The following KPNA4 variants were observed in gnomAD, a reference collection of about 807,000 sequenced individuals.
KPNA4 encodes importin subunit alpha-3.
A neutral mutation model predicts 71.3 loss-of-function variants in KPNA4; 13 were observed. The ratio of observed to expected loss-of-function variants is 0.18; its 90% CI spans 0.12 to 0.29. The LOEUF (loss-of-function observed/expected upper bound fraction) is 0.29, where lower values mean the gene tolerates loss of function less well. KPNA4 is among the 10% of genes least tolerant of loss of function. The pLI is 1.00. For synonymous variants in KPNA4, 189 were observed against 195.2 expected (o/e 0.97, Z 0.26); for missense variants, 334 against 603.2 (o/e 0.55, Z 4.67).
intron 7 of KPNA4, among the ~76,000 whole-genome samples, chr3:160,529,669 G>T (rs1201677867): frequency 1.3e-5 from 2 of 151,704 alleles, no homozygotes; most frequent in Admixed American, 1.3e-4. Context: ...TTGTTTGGTA[G>T]AACAATCAAA....
chr3:160,547,919 T>C (rs1329079333), intron 1 of KPNA4, among the ~76,000 whole-genome samples: 2 of 152,140 alleles, frequency 1.3e-5, no homozygotes, highest in Non-Finnish European at 2.9e-5. Flanking sequence ...CTGACTAATA[T>C]GCCATTGTCT....
chr3:160,530,603 T>G (rs573629724), intron 7 of KPNA4, among the ~76,000 whole-genome samples: 3 of 152,188 alleles, frequency 2.0e-5, no homozygotes, highest in African/African-American at 7.2e-5. Context: ...ACAATAATAA[T>G]GTAATCTGCT....
intron 1 of KPNA4, among the ~76,000 whole-genome samples, chr3:160,556,019 CG>C (rs1722129032): frequency 2.0e-5 from 3 of 152,006 alleles, no homozygotes; most frequent in Admixed American, 1.3e-4. Context: ...TTAGTAGAGA[CG>C]GGGTTTCTCC....
intron 1 of KPNA4, among the ~76,000 whole-genome samples, chr3:160,556,314 G>A (rs1239571670): frequency 6.6e-6 from 1 of 152,018 alleles, no homozygotes; most frequent in Non-Finnish European, 1.5e-5. Context: ...CAAAGCAGCC[G>A]TACCATTTTA....
At chr3:160,510,169 A>T (rs1480245140) in intron 13 of KPNA4, among the ~76,000 whole-genome samples, 1 of 152,208 alleles carries the variant, frequency 6.6e-6, no homozygotes, top group Non-Finnish European at 1.5e-5. Context: ...GAAAAAATTT[A>T]AAAATCTACA....
At chr3:160,558,035 T>C (rs947793060) in intron 1 of KPNA4, among the ~76,000 whole-genome samples, 1 of 152,186 alleles carries the variant, frequency 6.6e-6, no homozygotes, top group African/African-American at 2.4e-5. Context: ...CAAATATCTA[T>C]GACCTTAAAT....
chr3:160,535,858 G>T lies in KPNA4; in HGVS notation c.154C>A (p.Pro52Thr). 2.0e-6 allele frequency: 2 copies of T among 1,019,252 alleles called. No individual in the cohort carries two copies. Among genetic ancestry groups the T allele is most frequent in the Non-Finnish European group, 2.5e-6 (2 of 811,726 alleles). 63.1% of individuals were successfully genotyped at this position (1,019,252 alleles called of 1,614,324 possible). A position where few individuals can be genotyped will look rare whatever the true frequency, so the allele number is the denominator to read the frequency against. Residue 52 changes from proline to threonine, a missense_variant, in exon 3 of 17, where the codon CCA becomes ACA. Transcript: ENST00000334256. ...DEHLLKRRNV[P>T]HEDICEDSDI... ...GAGTCTTCACAGATATCTTCATGTG[G>T]TACATTCCTTCTCTTTAAGAGATGT...
At chr3:160,529,265 T>C (rs1246464936) in intron 7 of KPNA4, among the ~76,000 whole-genome samples, 4 of 152,276 alleles carry the variant, frequency 2.6e-5, no homozygotes, top group East Asian at 3.9e-4. Flanking sequence ...ATTTTTGGTA[T>C]ATTAAAGCAG....
chr3:160,536,748 A>C, intron 2 of KPNA4, 48 bp downstream of exon 2: 1 of 1,102,294 alleles, frequency 9.1e-7, no homozygotes, highest in Non-Finnish European at 1.3e-6. Flanking sequence ...TAATGCTATA[A>C]TGTTGTTAGA....
At position 160,563,759 on chromosome 3, in the gene KPNA4, T is replaced by C. The variant is rs146425335; in HGVS notation, c.69+1455A>G. Among the ~76,000 whole-genome samples the C allele has an allele frequency of 2.2e-3, 330 of 152,304 alleles. 3 individuals are homozygous for C. The East Asian group carries it at 0.028, about 13-fold the overall frequency. ...TAAATTTACTGAAAAATCATTGTTA[T>C]TTAAGAAGCTCATTTTTATGGCATG... On this transcript the variant is annotated intron_variant, in intron 1 of 16. Transcript: ENST00000334256.
At chr3:160,505,871 G>A (rs1720973378) in intron 15 of KPNA4, among the ~76,000 whole-genome samples, 1 of 152,252 alleles carries the variant, frequency 6.6e-6, no homozygotes, top group Admixed American at 6.5e-5. Context: ...AAACTAAAAT[G>A]CTTGTGTAAT....
rs1213088916 is a variant in KPNA4, at chr3:160,499,130, A to G, written c.*2974T>C. On this transcript the variant is annotated 3_prime_UTR_variant, in exon 17 of 17. Transcript: ENST00000334256. ...CTCTCCCCAAAATTATTCTAGATCC[A>G]TTTTTAATGATTCATAGATAGCTCT... The G allele has an allele frequency of 6.6e-6, 1 of 152,190 alleles. No homozygotes were observed. Among genetic ancestry groups the G allele is most frequent in the East Asian group, 1.9e-4 (1 of 5,200 alleles). The allele number at this position is 152,190 out of a possible 1,614,324, so 9.4% of individuals were successfully genotyped here. A position where few individuals can be genotyped will look rare whatever the true frequency, so the allele number is the denominator to read the frequency against.
At chr3:160,525,524 C>G (rs1296886248) in intron 10 of KPNA4, among the ~76,000 whole-genome samples, 1 of 152,148 alleles carries the variant, frequency 6.6e-6, no homozygotes, top group African/African-American at 2.4e-5. Flanking sequence ...TTTTATAACA[C>G]TAATATATAC....
intron 1 of KPNA4, among the ~76,000 whole-genome samples, chr3:160,539,542 C>T (rs1368200369): frequency 1.3e-5 from 2 of 152,176 alleles, no homozygotes; most frequent in Non-Finnish European, 2.9e-5. Flanking sequence ...CCACACTTCT[C>T]GAAGTCAGAG....
At chr3:160,547,232 G>A (rs2108558068) in intron 1 of KPNA4, among the ~76,000 whole-genome samples, 1 of 152,208 alleles carries the variant, frequency 6.6e-6, no homozygotes, top group East Asian at 1.9e-4. Flanking sequence ...AAAGTGTTAT[G>A]AATACTGCTA....
intron 12 of KPNA4, 54 bp downstream of exon 12, chr3:160,515,398 G>A: frequency 1.4e-6 from 2 of 1,438,570 alleles, no homozygotes; most frequent in Non-Finnish European, 1.9e-6. Context: ...TTTACAAATA[G>A]AAACTGTTAA....
At chr3:160,534,344 CTATT>C (rs1241530086) in intron 5 of KPNA4, among the ~76,000 whole-genome samples, 2 of 152,126 alleles carry the variant, frequency 1.3e-5, no homozygotes, top group Non-Finnish European at 2.9e-5. Flanking sequence ...CTTCCCCAAC[CTATT>C]TATTAATACA....
Position 160,531,018 on chromosome 3 carries a change from C to T in KPNA4, c.384-78G>A, listed in dbSNP as rs532470565. 2.0e-5 allele frequency: 18 copies of T among 921,428 alleles called. No individual in the cohort carries two copies. The African/African-American group carries it at 2.9e-4, about 15-fold the overall frequency. The allele number at this position is 921,428 out of a possible 1,614,324, so 57.1% of individuals were successfully genotyped here. A position where few individuals can be genotyped will look rare whatever the true frequency, so the allele number is the denominator to read the frequency against. On this transcript the variant is annotated intron_variant, in intron 6 of 16. Transcript: ENST00000334256. ...AATATCTAACCATTCTTCCTTCTAC[C>T]ATTTAAAATGCATTAAATATTTTGT...
intron 2 of KPNA4, 24 bp downstream of exon 2, chr3:160,536,772 G>C: frequency 6.9e-7 from 1 of 1,449,152 alleles, no homozygotes; most frequent in Non-Finnish European, 9.6e-7. Context: ...ATGCTTAGAA[G>C]TACCCAATAT....
Sources: allele counts gnomAD v4.1 joint callset (sites outside exome capture counted in the v4.1 genomes callset), GRCh38; gene constraint gnomAD v4.1.1; transcripts MANE v1.5; gene names NCBI Gene and HGNC (gene_info 2026-07-23, HGNC 2026-07-21).